The following MYO9A variants were observed in gnomAD, a reference collection of about 807,000 sequenced individuals.
The protein encoded by MYO9A is unconventional myosin-IXa.
Under a neutral mutation model 293.3 loss-of-function variants are expected in MYO9A, and 103 were observed. That is an observed-to-expected ratio of 0.35 (90% CI 0.30 to 0.41). MYO9A has a LOEUF of 0.41. Ranked by LOEUF, MYO9A falls within the 10% of genes least tolerant of loss-of-function variation. The pLI, the probability that MYO9A is intolerant of heterozygous loss-of-function variation, is 1.00. For missense variants in MYO9A, 2,685 were observed against 3,033.0 expected, an observed-to-expected ratio of 0.89 and a Z score of 2.69; for synonymous variants, 1,001 against 1,035.7, an observed-to-expected ratio of 0.97 and a Z score of 0.64.
At chr15:71,858,717 A>AG (rs1435843282) in intron 34 of MYO9A, 65 of 63,260 alleles carry the variant, frequency 1.0e-3, no homozygotes, top group African/African-American at 4.3e-3. Flanking sequence ...GGGTGGGGGG[A>AG]GGGGGGAGGG....
Position 71,853,512 on chromosome 15 carries a change from A to T in MYO9A, c.6346+865T>A, listed in dbSNP as rs954571359. Reference sequence around the variant, plus strand: ...AGTAGACCAAGTCTCTTGTAGACGGAACCTCCTGCCTGAGTCTTACCAGTC... The same window carrying T: ...AGTAGACCAAGTCTCTTGTAGACGGTACCTCCTGCCTGAGTCTTACCAGTC... On this transcript the variant is annotated intron_variant, in intron 35 of 41. Coordinates refer to ENST00000356056, the MANE Select transcript of MYO9A (RefSeq NM_006901.4). 5.9e-5 allele frequency among the ~76,000 whole-genome samples: 9 copies of T among 152,336 alleles called. No individual in the cohort carries two copies. In the Middle Eastern group the frequency reaches 0.01, roughly 173 times the overall value.
intron 9 of MYO9A, among the ~76,000 whole-genome samples, chr15:71,997,854 C>T (rs1362105847): frequency 1.3e-5 from 2 of 152,048 alleles, no homozygotes; most frequent in East Asian, 3.9e-4. Context: ...TAAAAAGAAA[C>T]ATTTATACAC....
intron 40 of MYO9A, among the ~76,000 whole-genome samples, chr15:71,828,431 T>TA (rs2054596293): frequency 6.6e-6 from 1 of 152,202 alleles, no homozygotes. Context: ...TTAAACTAGA[T>TA]AACCTCTAAG....
rs2057080246 is a variant in MYO9A at position 71,888,332 on chromosome 15, C to A, written c.5143-216G>T. On this transcript the variant is annotated intron_variant, in intron 26 of 41. Transcript: ENST00000356056. The stretch of plus-strand genomic sequence containing the variant: ...GGTCAATGAAAATAAACAGGATCTA[C>A]CAGTTCATATTTTCTGACAATTTAA... 5.7e-5 allele frequency: 17 copies of A among 298,360 alleles called. No individual in the cohort carries two copies. The South Asian group carries it at 2.0e-3, about 34-fold the overall frequency. The allele number at this position is 298,360 out of a possible 1,614,324, so 18.5% of individuals were successfully genotyped here. A position where few individuals can be genotyped will look rare whatever the true frequency, so the allele number is the denominator to read the frequency against.
At chr15:71,858,165 T>C (rs2055943901) in intron 34 of MYO9A, among the ~76,000 whole-genome samples, 1 of 152,254 alleles carries the variant, frequency 6.6e-6, no homozygotes, top group Admixed American at 6.5e-5. Flanking sequence ...GGTGGGACTA[T>C]AAACTGGTTC....
At chr15:72,073,295 GT>G (rs945545156) in intron 1 of MYO9A, among the ~76,000 whole-genome samples, 24 of 152,124 alleles carry the variant, frequency 1.6e-4, no homozygotes, top group African/African-American at 5.6e-4. Flanking sequence ...CTTGGTTCCT[GT>G]AACAAAAATG....
chr15:72,104,621 G>A (rs1298989329), intron 1 of MYO9A, among the ~76,000 whole-genome samples: 1 of 152,176 alleles, frequency 6.6e-6, no homozygotes, highest in African/African-American at 2.4e-5. Context: ...CGAAGTAAAA[G>A]ACAATTTAGA....
intron 1 of MYO9A, among the ~76,000 whole-genome samples, chr15:72,091,507 A>G (rs537523961): frequency 3.3e-5 from 5 of 152,272 alleles, no homozygotes; most frequent in African/African-American, 1.2e-4. Context: ...TCACACTCCT[A>G]GATCATAAAT....
chr15:72,072,250 G>C (rs1338909020), intron 1 of MYO9A, among the ~76,000 whole-genome samples: 1 of 151,606 alleles, frequency 6.6e-6, no homozygotes, highest in Non-Finnish European at 1.5e-5. Flanking sequence ...TCCTGCCTCA[G>C]CCTCCAGAGC....
chr15:72,097,978 C>A (rs1036592596), intron 1 of MYO9A, among the ~76,000 whole-genome samples: 6 of 151,906 alleles, frequency 3.9e-5, no homozygotes, highest in African/African-American at 1.5e-4. Context: ...ACCACTGAAA[C>A]TATAAGATCA....
chr15:72,089,437 C>A (rs2079837915), intron 1 of MYO9A, among the ~76,000 whole-genome samples: 2 of 152,126 alleles, frequency 1.3e-5, no homozygotes, highest in Non-Finnish European at 2.9e-5. Context: ...GCTAGGACTG[C>A]AGGCATCAGC....
chr15:71,924,550 G>C (rs1480031451), intron 18 of MYO9A, among the ~76,000 whole-genome samples: 1 of 151,982 alleles, frequency 6.6e-6, no homozygotes, highest in East Asian at 1.9e-4. Flanking sequence ...CTCCCAATTT[G>C]AAATTTTTTT....
intron 31 of MYO9A, among the ~76,000 whole-genome samples, chr15:71,876,581 G>A (rs993418920): frequency 2.6e-5 from 4 of 151,702 alleles, no homozygotes; most frequent in South Asian, 2.1e-4. Context: ...GACTACAGGC[G>A]TGTGCCAGCA....
chr15:71,914,706 T>G (rs948371197), intron 19 of MYO9A, among the ~76,000 whole-genome samples: 7 of 152,194 alleles, frequency 4.6e-5, no homozygotes, highest in Admixed American at 1.3e-4. Flanking sequence ...ATTAACTCAT[T>G]ACTTTTGTAA....
At chr15:72,064,979 A>G (rs1278005369) in intron 1 of MYO9A, among the ~76,000 whole-genome samples, 1 of 152,244 alleles carries the variant, frequency 6.6e-6, no homozygotes, top group Non-Finnish European at 1.5e-5. Context: ...CACAAAAAGT[A>G]TAGTACTTGG....
chr15:72,061,091 C>G (rs1270349848), intron 1 of MYO9A, among the ~76,000 whole-genome samples: 1 of 152,180 alleles, frequency 6.6e-6, no homozygotes, highest in East Asian at 1.9e-4. Context: ...AAGGAACCAG[C>G]TGCTATGAAA....
intron 7 of MYO9A, among the ~76,000 whole-genome samples, chr15:72,008,498 GTGTGTGTA>G (rs2077083300): frequency 6.6e-6 from 1 of 150,838 alleles, no homozygotes; most frequent in Non-Finnish European, 1.5e-5. Context: ...GGGTGTGTGT[GTGTGTGTA>G]TGTGTGTGTG....
rs896038780 is a variant in MYO9A at position 71,854,531 on chromosome 15, T to G, written c.6192A>C (p.Glu2064Asp). ...PELSSRQFGVELSRLTSEDRT... is the reference protein window; with the variant it reads ...PELSSRQFGVDLSRLTSEDRT... ...GGTCTTCACTGGTCAAACGGGACAG[T>G]TCAACCCCAAATTGTCGAGATGACA... Residue 2064 changes from glutamate to aspartate, a missense_variant, in exon 35 of 42, where the codon GAA becomes GAC. Coordinates refer to ENST00000356056, the MANE Select transcript of MYO9A (RefSeq NM_006901.4). 1.9e-6 allele frequency: 3 copies of G among 1,607,160 alleles called. No individual in the cohort carries two copies. The highest frequency in any genetic ancestry group is 2.5e-6 in the Non-Finnish European group (3 of 1,177,600).
In MYO9A at chr15:71,859,762, C is replaced by A; in HGVS notation, c.6126G>T (p.Leu2042=). ...CKYACHKKCC[L]KTTAKCSKKY... is the part of the protein sequence containing the mutation. ...TTTTAGAGCACTTGGCTGTGGTTTT[C>A]AGACAGCACTTCTTATGGCAAGCAT... The change falls in exon 34 of 42, where the codon CTG becomes CTT. Residue 2042 remains leucine (L), a synonymous_variant. Transcript: ENST00000356056. 6.2e-7 allele frequency: 1 copy of A among 1,613,386 alleles called. No homozygotes were observed. Among genetic ancestry groups the A allele is most frequent in the Non-Finnish European group, 8.5e-7 (1 of 1,179,664 alleles).
Sources: gnomAD v4.1 joint callset for allele counts (sites outside exome capture counted in the v4.1 genomes callset) on GRCh38, gnomAD v4.1.1 for gene constraint, MANE v1.5 for transcripts, NCBI Gene and HGNC (gene_info 2026-07-23, HGNC 2026-07-21) for gene names.